MAPKBP1: variants seen among roughly 807,000 people sequenced by gnomAD.
MAPKBP1 encodes mitogen-activated protein kinase binding protein 1, also known as mitogen-activated protein kinase-binding protein 1.
In MAPKBP1, 71 loss-of-function variants were observed where a neutral mutation model predicts 170.5. That is an observed-to-expected ratio of 0.42 (90% CI 0.34 to 0.51). MAPKBP1 has a LOEUF of 0.51. Ranked by LOEUF, MAPKBP1 falls within the 20% of genes least tolerant of loss-of-function variation. The pLI, the probability that MAPKBP1 is intolerant of heterozygous loss-of-function variation, is 0.06. For missense variants in MAPKBP1, 1,598 were observed against 1,933.0 expected, an observed-to-expected ratio of 0.83 and a Z score of 3.25; for synonymous variants, 719 against 757.9, an observed-to-expected ratio of 0.95 and a Z score of 0.84.
At chr15:41,803,814 G>A (rs1654007455) in intron 3 of MAPKBP1, among the ~76,000 whole-genome samples, 1 of 152,058 alleles carries the variant, frequency 6.6e-6, no homozygotes, top group Non-Finnish European at 1.5e-5. Context: ...AGCTCTGATT[G>A]TTAAAATGGC....
intron 21 of MAPKBP1, 48 bp from the exon 22 acceptor site, chr15:41,819,547 C>CGGGGAG: frequency 8.1e-7 from 1 of 1,228,204 alleles, no homozygotes; most frequent in Non-Finnish European, 1.1e-6. Flanking sequence ...GGTTGGGTGG[C>CGGGGAG]GGGGGGGGGG....
intron 28 of MAPKBP1, 38 bp downstream of exon 28, chr15:41,823,260 T>G: frequency 6.3e-7 from 1 of 1,597,886 alleles, no homozygotes; most frequent in Non-Finnish European, 8.5e-7. Context: ...GGGTGCAGGG[T>G]GTATGGAACA....
chr15:41,801,005 G>C (rs2064583219), intron 3 of MAPKBP1, among the ~76,000 whole-genome samples: 1 of 152,228 alleles, frequency 6.6e-6, no homozygotes, highest in Non-Finnish European at 1.5e-5. Flanking sequence ...AAAGTGCTGG[G>C]ATTACAGGCG....
At chr15:41,790,242 T>G (rs1023138972) in intron 2 of MAPKBP1, among the ~76,000 whole-genome samples, 2 of 152,168 alleles carry the variant, frequency 1.3e-5, no homozygotes, top group African/African-American at 4.8e-5. Context: ...AGGCTAAAAT[T>G]GGGAAATAGA....
chr15:41,816,122 A>G (rs1362443749), intron 12 of MAPKBP1, among the ~76,000 whole-genome samples: 3 of 152,374 alleles, frequency 2.0e-5, no homozygotes, highest in East Asian at 3.9e-4. Context: ...ATTGAGGTAC[A>G]TACCACAGAG....
intron 4 of MAPKBP1, 77 bp downstream of exon 4, chr15:41,811,022 C>G: frequency 1.3e-6 from 2 of 1,579,190 alleles, no homozygotes; most frequent in Non-Finnish European, 1.7e-6. Flanking sequence ...GTCTCTATGG[C>G]TCTGGGGGCT....
chr15:41,819,547 C>CGGGGGGGGGGGGGGGGG (rs3034893), intron 21 of MAPKBP1, 48 bp from the exon 22 acceptor site: 6 of 1,235,866 alleles, frequency 4.9e-6, no homozygotes, highest in African/African-American at 3.7e-5. Flanking sequence ...GGTTGGGTGG[C>CGGGGGGGGGGGGGGGGG]GGGGGGGGGG....
chr15:41,795,792 T>A (rs1229933869), intron 2 of MAPKBP1, among the ~76,000 whole-genome samples: 4 of 151,938 alleles, frequency 2.6e-5, no homozygotes, highest in Non-Finnish European at 4.4e-5. Context: ...TGTATTTTTA[T>A]TAGAGACGGG....
rs772614991 is a variant in MAPKBP1 at position 41,824,534 on chromosome 15, G to A, written c.4264G>A (p.Gly1422Ser). 1.0e-5 allele frequency: 16 copies of A among 1,603,154 alleles called. No individual in the cohort carries two copies. In the Admixed American group the frequency reaches 1.4e-4, roughly 14 times the overall value. ...QCEQLVAELR[G>S]SVRQAVRLYH... ...TGAGCAGCTGGTGGCAGAGCTCCGCGGCAGCGTGCGCCAGGCAGTGCGGCT... is the reference window on the plus strand; with the variant it reads ...TGAGCAGCTGGTGGCAGAGCTCCGCAGCAGCGTGCGCCAGGCAGTGCGGCT... Residue 1422 changes from glycine (G) to serine (S), a missense_variant, in exon 30 of 31, where the codon GGC becomes AGC. By Grantham distance (56) the Gly-to-Ser change is moderately conservative (BLOSUM62 0). Coordinates refer to ENST00000457542, the MANE Select transcript of MAPKBP1 (RefSeq NM_014994.3).
At chr15:41,814,481 T>A in intron 9 of MAPKBP1, 69 bp from the exon 10 acceptor site, 1 of 1,489,296 alleles carries the variant, frequency 6.7e-7, no homozygotes, top group Non-Finnish European at 9.2e-7. Flanking sequence ...CACTGCTCCT[T>A]CCATTGTGGA....
At chr15:41,776,127 G>A (rs1024458774) in intron 2 of MAPKBP1, among the ~76,000 whole-genome samples, 2 of 152,182 alleles carry the variant, frequency 1.3e-5, no homozygotes, top group Admixed American at 1.3e-4. Context: ...CCACAACTTT[G>A]GGAATCCAGA....
intron 2 of MAPKBP1, among the ~76,000 whole-genome samples, chr15:41,786,804 A>ATATATATATATG (rs2064305908): frequency 8.0e-6 from 1 of 124,384 alleles, no homozygotes; most frequent in African/African-American, 3.3e-5. Context: ...ATATATATAT[A>ATATATATATATG]GGTATAATAA....
intron 2 of MAPKBP1, among the ~76,000 whole-genome samples, chr15:41,790,608 A>G (rs1224179602): frequency 4.6e-5 from 7 of 152,228 alleles, no homozygotes; most frequent in African/African-American, 1.7e-4. Context: ...CTCAGCTCCA[A>G]CTAATTCTAA....
chr15:41,802,533 G>A (rs1383806386), intron 3 of MAPKBP1, among the ~76,000 whole-genome samples: 1 of 152,134 alleles, frequency 6.6e-6, no homozygotes, highest in East Asian at 1.9e-4. Context: ...GAATGCAGTG[G>A]CACGATCTTA....
At chr15:41,781,667 C>T (rs180831761) in intron 2 of MAPKBP1, among the ~76,000 whole-genome samples, 1 of 152,094 alleles carries the variant, frequency 6.6e-6, no homozygotes, top group East Asian at 1.9e-4. Context: ...ACTGTCTGCC[C>T]CTCTGTTTAT....
intron 2 of MAPKBP1, among the ~76,000 whole-genome samples, chr15:41,798,008 TG>T (rs1048355184): frequency 5.3e-5 from 8 of 151,858 alleles, no homozygotes; most frequent in African/African-American, 1.9e-4. Flanking sequence ...CCCAGTACTT[TG>T]GGAGGCCGAG....
At chr15:41,811,623 G>A (rs1323227252) in intron 5 of MAPKBP1, 1 of 618,346 alleles carries the variant, frequency 1.6e-6, no homozygotes, top group Non-Finnish European at 3.0e-6. Context: ...TTCTGTCCTG[G>A]CGGCGTAGTC....
chr15:41,811,335 AACAGAC>A lies in MAPKBP1; in HGVS notation c.327+103_327+108del, dbSNP rs1292914473. 2.3e-6 allele frequency: 3 copies of A among 1,291,732 alleles called. No individual in the cohort carries two copies. In the African/African-American group the frequency reaches 4.4e-5, roughly 19 times the overall value. The allele number at this position is 1,291,732 out of a possible 1,614,324, so 80.0% of individuals were successfully genotyped here. ...GGCCTGCTGTCACTTTGGCTTCTGA[AACAGAC>A]ACCAAATCCTGGTTTTCGCTATACC... On this transcript the variant is annotated intron_variant, in intron 5 of 30. Transcript: ENST00000457542.
chr15:41,819,156 A>C (rs2064943425), intron 20 of MAPKBP1, 90 bp from the exon 21 acceptor site: 3 of 1,506,446 alleles, frequency 2.0e-6, no homozygotes, highest in Non-Finnish European at 2.7e-6. Context: ...TCTTCCCCTC[A>C]TTGAGTCTCC....
Sources: gnomAD v4.1 joint callset for allele counts (sites outside exome capture counted in the v4.1 genomes callset) on GRCh38, gnomAD v4.1.1 for gene constraint, MANE v1.5 for transcripts, NCBI Gene and HGNC (gene_info 2026-07-23, HGNC 2026-07-21) for gene names.